The following EPHB2 variants were observed in gnomAD, a reference collection of about 807,000 sequenced individuals.
EPHB2 encodes EPH receptor B2.
Under a neutral mutation model 96.4 loss-of-function variants are expected in EPHB2, and 18 were observed. The observed-to-expected ratio is 0.19, with a 90% CI of 0.13 to 0.28. The LOEUF is 0.28. EPHB2 is among the 10% of genes least tolerant of loss of function. The pLI, the probability that EPHB2 is intolerant of heterozygous loss-of-function variation, is 1.00. For synonymous variants in EPHB2, 506 were observed against 534.1 expected (o/e 0.95, Z 0.72); for missense variants, 989 against 1,355.4 (o/e 0.73, Z 4.25).
chr1:22,775,707 C>T (rs1271780404), intron 1 of EPHB2, among the ~76,000 whole-genome samples: 1 of 152,236 alleles, frequency 6.6e-6, no homozygotes, highest in African/African-American at 2.4e-5. Flanking sequence ...TTGCTTTCTT[C>T]TGTGCAGCCT....
intron 2 of EPHB2, 58 bp downstream of exon 2, chr1:22,781,543 C>G: frequency 6.4e-7 from 1 of 1,568,202 alleles, no homozygotes; most frequent in Non-Finnish European, 8.8e-7. Flanking sequence ...AGCCCTGCTG[C>G]AGGGCCCGAA....
chr1:22,736,885 A>T (rs946889873), intron 1 of EPHB2, among the ~76,000 whole-genome samples: 3 of 151,828 alleles, frequency 2.0e-5, no homozygotes, highest in African/African-American at 7.3e-5. Context: ...CCTGGGGAGG[A>T]GGGGAGACTG....
At chr1:22,861,746 T>C (rs907565929) in intron 3 of EPHB2, among the ~76,000 whole-genome samples, 1 of 152,120 alleles carries the variant, frequency 6.6e-6, no homozygotes, top group African/African-American at 2.4e-5. Flanking sequence ...GGTGGTTTGC[T>C]AAGACTTGGA....
chr1:22,812,867 G>A (rs1390552984), intron 3 of EPHB2, among the ~76,000 whole-genome samples: 2 of 152,160 alleles, frequency 1.3e-5, no homozygotes, highest in Admixed American at 6.5e-5. Flanking sequence ...TGACCAGATT[G>A]ACGACTTGGT....
chr1:22,793,302 G>A (rs1483346920), intron 3 of EPHB2, among the ~76,000 whole-genome samples: 2 of 152,168 alleles, frequency 1.3e-5, no homozygotes, highest in African/African-American at 4.8e-5. Flanking sequence ...AGATGCTGAA[G>A]GCCCTCCGTA....
At chr1:22,801,022 G>A (rs902296743) in intron 3 of EPHB2, among the ~76,000 whole-genome samples, 1 of 152,208 alleles carries the variant, frequency 6.6e-6, no homozygotes, top group Admixed American at 6.5e-5. Flanking sequence ...GGACCTGCTT[G>A]TCGTGCTCAG....
chr1:22,727,142 A>G (rs1643599366), intron 1 of EPHB2, among the ~76,000 whole-genome samples: 1 of 152,254 alleles, frequency 6.6e-6, no homozygotes, highest in African/African-American at 2.4e-5. Flanking sequence ...GAAGATGGCC[A>G]TGAAGCCTGG....
chr1:22,881,393 A>G (rs773462920), intron 5 of EPHB2, among the ~76,000 whole-genome samples: 2 of 145,234 alleles, frequency 1.4e-5, no homozygotes, highest in Non-Finnish European at 3.0e-5. Context: ...GCGAGACTCC[A>G]TCTCAAAAAA....
intron 1 of EPHB2, among the ~76,000 whole-genome samples, chr1:22,720,665 C>CCCCA (rs1279844189): frequency 2.0e-5 from 2 of 102,102 alleles, no homozygotes; most frequent in South Asian, 6.8e-4. Context: ...CTCATTCCCC[C>CCCCA]CCCCCCCCGC....
At chr1:22,753,264 C>T (rs1644092737) in intron 1 of EPHB2, among the ~76,000 whole-genome samples, 1 of 152,194 alleles carries the variant, frequency 6.6e-6, no homozygotes, top group Non-Finnish European at 1.5e-5. Context: ...CACTCTCTGA[C>T]CTTCAGGTGC....
chr1:22,762,462 C>T (rs1644248415), intron 1 of EPHB2, among the ~76,000 whole-genome samples: 1 of 152,150 alleles, frequency 6.6e-6, no homozygotes, highest in African/African-American at 2.4e-5. Context: ...AATCCCTGTG[C>T]CTTGAGCAAG....
chr1:22,746,785 C>T (rs1043522444), intron 1 of EPHB2, among the ~76,000 whole-genome samples: 1 of 152,134 alleles, frequency 6.6e-6, no homozygotes, highest in African/African-American at 2.4e-5. Flanking sequence ...CATGACCTTC[C>T]CACGAGGGTG....
intron 5 of EPHB2, among the ~76,000 whole-genome samples, chr1:22,874,952 C>T (rs1638790372): frequency 6.6e-6 from 1 of 152,086 alleles, no homozygotes; most frequent in African/African-American, 2.4e-5. Flanking sequence ...TGGATGTCTC[C>T]CCTGCGGGAC....
At position 22,737,330 on chromosome 1, in the gene EPHB2, A is replaced by G. The variant is rs534566198; in HGVS notation, c.61+26287A>G. Among the ~76,000 whole-genome samples, 3 of 152,164 alleles carry G rather than the reference A, an allele frequency of 2.0e-5. No individual in the cohort carries two copies. The South Asian group carries it at 6.2e-4, about 32-fold the overall frequency. On this transcript the variant is annotated intron_variant, in intron 1 of 15. Coordinates refer to ENST00000374630, the MANE Select transcript of EPHB2 (RefSeq NM_017449.5). ...CTCCTGCTCAGACCTTGGGCTCCTTATCTAAAAAAATCAAGGTCAAACAGC... is the reference window on the plus strand; with the variant it reads ...CTCCTGCTCAGACCTTGGGCTCCTTGTCTAAAAAAATCAAGGTCAAACAGC...
chr1:22,767,316 C>T (rs1644321111), intron 1 of EPHB2, among the ~76,000 whole-genome samples: 1 of 152,198 alleles, frequency 6.6e-6, no homozygotes, highest in South Asian at 2.1e-4. Context: ...ACGCCACTAC[C>T]TGCATCAGCT....
chr1:22,712,649 GA>G (rs1643184880), intron 1 of EPHB2, among the ~76,000 whole-genome samples: 1 of 152,204 alleles, frequency 6.6e-6, no homozygotes, highest in Non-Finnish European at 1.5e-5. Flanking sequence ...GCTCCTGGGG[GA>G]TTTGGCGGCT....
chr1:22,900,876 T>A (rs764417454), intron 9 of EPHB2, among the ~76,000 whole-genome samples: 1 of 152,122 alleles, frequency 6.6e-6, no homozygotes, highest in African/African-American at 2.4e-5. Context: ...GGCCCAGAGA[T>A]CCATGTGACT....
intron 3 of EPHB2, among the ~76,000 whole-genome samples, chr1:22,805,731 T>TGA (rs374263224): frequency 2.9e-4 from 44 of 151,308 alleles, no homozygotes; most frequent in Middle Eastern, 3.4e-3. Flanking sequence ...CATGTGTGTA[T>TGA]GAGAGAGAGA....
chr1:22,739,031 A>T (rs1212306123), intron 1 of EPHB2, among the ~76,000 whole-genome samples: 4 of 152,112 alleles, frequency 2.6e-5, no homozygotes, highest in Non-Finnish European at 4.4e-5. Flanking sequence ...TTTTATTTTT[A>T]AAAATTATGT....
Sources: allele counts gnomAD v4.1 joint callset (sites outside exome capture counted in the v4.1 genomes callset), GRCh38; gene constraint gnomAD v4.1.1; transcripts MANE v1.5; gene names NCBI Gene and HGNC (gene_info 2026-07-23, HGNC 2026-07-21).